GRIP1: variants seen among roughly 807,000 people sequenced by gnomAD.
GRIP1 encodes the protein glutamate receptor interacting protein 1.
GRIP1 carries 45 observed loss-of-function variants against 129.9 expected under a neutral mutation model. That is an observed-to-expected ratio of 0.35 (90% CI 0.27 to 0.44). The LOEUF (loss-of-function observed/expected upper bound fraction) is 0.44. GRIP1 is among the 20% of genes least tolerant of loss of function. The pLI is 1.00. For synonymous variants in GRIP1, 530 were observed against 520.8 expected, an observed-to-expected ratio of 1.02 and a Z score of -0.24; for missense variants, 1,196 against 1,396.8, an observed-to-expected ratio of 0.86 and a Z score of 2.29.
chr12:66,353,827 G>A (rs1165621467), intron 23 of GRIP1, among the ~76,000 whole-genome samples: 9 of 152,118 alleles, frequency 5.9e-5, no homozygotes, highest in Admixed American at 5.9e-4. Context: ...GTCGTCATCA[G>A]GGGGATATAG....
intron 1 of GRIP1, among the ~76,000 whole-genome samples, chr12:66,763,889 C>G (rs2037546368): frequency 6.6e-6 from 1 of 152,222 alleles, no homozygotes; most frequent in Non-Finnish European, 1.5e-5. Context: ...AAATTCTCCT[C>G]AAGTCTTCCC....
At chr12:66,356,849 CA>C (rs1178403281) in intron 23 of GRIP1, among the ~76,000 whole-genome samples, 1 of 152,136 alleles carries the variant, frequency 6.6e-6, no homozygotes, top group Non-Finnish European at 1.5e-5. Flanking sequence ...CCAATTGTCT[CA>C]AAAATGATTT....
chr12:66,797,931 T>A (rs1194722877), intron 1 of GRIP1, among the ~76,000 whole-genome samples: 2 of 152,140 alleles, frequency 1.3e-5, no homozygotes, highest in African/African-American at 4.8e-5. Context: ...GACAAATCAC[T>A]AAAGACTAAA....
chr12:66,718,392 T>A (rs1270177984), intron 1 of GRIP1, among the ~76,000 whole-genome samples: 2 of 152,100 alleles, frequency 1.3e-5, no homozygotes, highest in Non-Finnish European at 2.9e-5. Flanking sequence ...TCAAAAATAA[T>A]AATAACTGGA....
At chr12:66,618,257 G>A (rs1437369018) in intron 1 of GRIP1, among the ~76,000 whole-genome samples, 1 of 152,194 alleles carries the variant, frequency 6.6e-6, no homozygotes, top group Admixed American at 6.5e-5. Context: ...AGTGGAAGCA[G>A]CGAAGTGCAG....
At chr12:66,506,215 T>A (rs969732216) in intron 7 of GRIP1, among the ~76,000 whole-genome samples, 1 of 152,158 alleles carries the variant, frequency 6.6e-6, no homozygotes, top group Non-Finnish European at 1.5e-5. Context: ...TGCATACATA[T>A]GTTCCCCAAA....
At chr12:66,989,659 A>G (rs2042365506) in intron 1 of GRIP1, among the ~76,000 whole-genome samples, 1 of 152,228 alleles carries the variant, frequency 6.6e-6, no homozygotes, top group Non-Finnish European at 1.5e-5. Flanking sequence ...AGATTAATAT[A>G]TAATGTTTCT....
At chr12:66,797,830 T>C (rs1423164124) in intron 1 of GRIP1, among the ~76,000 whole-genome samples, 1 of 152,066 alleles carries the variant, frequency 6.6e-6, no homozygotes, top group African/African-American at 2.4e-5. Flanking sequence ...TCCCTCCCAG[T>C]CCAGAATGGT....
chr12:66,955,329 A>ATGTGTG (rs2041822354), intron 1 of GRIP1, among the ~76,000 whole-genome samples: 1 of 152,100 alleles, frequency 6.6e-6, no homozygotes, highest in East Asian at 1.9e-4. Flanking sequence ...ACGGAGAACC[A>ATGTGTG]CTGATTTAAA....
At chr12:66,569,062 T>TG in intron 2 of GRIP1, 1 of 264,172 alleles carries the variant, frequency 3.8e-6, no homozygotes, top group Non-Finnish European at 7.5e-6. Flanking sequence ...AGTGCAGTGT[T>TG]TCATTGATTC....
chr12:66,415,199 C>G (rs1360501303), intron 15 of GRIP1, among the ~76,000 whole-genome samples: 1 of 152,002 alleles, frequency 6.6e-6, no homozygotes, highest in Non-Finnish European at 1.5e-5. Context: ...GAACAGACAA[C>G]ATACAGAATG....
At chr12:67,024,361 CCAT>C in intron 1 of GRIP1, among the ~76,000 whole-genome samples, 1 of 152,132 alleles carries the variant, frequency 6.6e-6, no homozygotes, top group East Asian at 1.9e-4. Flanking sequence ...AGACCTGCAG[CCAT>C]AGACACTGGG....
intron 1 of GRIP1, among the ~76,000 whole-genome samples, chr12:66,798,841 A>G (rs972701249): frequency 6.6e-6 from 1 of 152,132 alleles, no homozygotes; most frequent in Non-Finnish European, 1.5e-5. Flanking sequence ...TTAAATCAGG[A>G]GTTTGTTTTT....
At chr12:66,812,056 G>C (rs1017970186) in intron 1 of GRIP1, among the ~76,000 whole-genome samples, 1 of 152,126 alleles carries the variant, frequency 6.6e-6, no homozygotes, top group African/African-American at 2.4e-5. Context: ...TAAAGCACTT[G>C]TGAGTTTTAG....
In GRIP1 at chr12:66,968,595, T is replaced by C. The variant is rs2042029804; in HGVS notation, c.58+100455A>G. On this transcript the variant is annotated intron_variant, in intron 1 of 1. Coordinates refer to the GRIP1 transcript ENST00000643019. ...AAACTAATCTAAGTTCAGTTTCAAC[T>C]AATACTATGCCATTTCATGTGTAGT... Among the ~76,000 whole-genome samples, 3 of 152,318 alleles carry C rather than the reference T, an allele frequency of 2.0e-5. No individual in the cohort carries two copies. The South Asian group carries it at 6.2e-4, about 32-fold the overall frequency.
intron 19 of GRIP1, among the ~76,000 whole-genome samples, chr12:66,386,489 C>T (rs1019527560): frequency 5.3e-5 from 8 of 152,036 alleles, no homozygotes; most frequent in Non-Finnish European, 1.0e-4. Context: ...AAAAAATTAG[C>T]TGGTCGTGGT....
rs372533846 is a variant in GRIP1, at chr12:66,791,159, A to G, written c.-420+12894T>C. On this transcript the variant is annotated intron_variant, in intron 1 of 4. Transcript: ENST00000538373. ...AGGCATCGCTCAATCACTCTAAGTGAACCAGGCATCTGCTTTGTGTTTTGG... is the reference window on the plus strand; with the variant it reads ...AGGCATCGCTCAATCACTCTAAGTGGACCAGGCATCTGCTTTGTGTTTTGG... Among the ~76,000 whole-genome samples the G allele has an allele frequency of 1.5e-4, 23 of 152,200 alleles. 1 individual carries two copies. Among genetic ancestry groups the G allele is most frequent in the East Asian group, 1.3e-3 (7 of 5,196 alleles).
intron 1 of GRIP1, among the ~76,000 whole-genome samples, chr12:67,051,016 A>G (rs1434812417): frequency 6.6e-6 from 1 of 152,220 alleles, no homozygotes; most frequent in African/African-American, 2.4e-5. Context: ...CAAAGCATGC[A>G]CTTGGGACAT....
At chr12:66,448,115 G>A (rs1452130650) in intron 11 of GRIP1, among the ~76,000 whole-genome samples, 1 of 151,806 alleles carries the variant, frequency 6.6e-6, no homozygotes, top group Non-Finnish European at 1.5e-5. Flanking sequence ...TTTTTGTCAA[G>A]CTCCAGTAAT....
Sources: gnomAD v4.1 joint callset for allele counts (sites outside exome capture counted in the v4.1 genomes callset) on GRCh38, gnomAD v4.1.1 for gene constraint, MANE v1.5 for transcripts, NCBI Gene and HGNC (gene_info 2026-07-23, HGNC 2026-07-21) for gene names.